Variants in NYAP2 observed in about 807,000 individuals in gnomAD.
NYAP2 encodes neuronal tyrosine-phosphorylated phosphoinositide-3-kinase adapter 2.
A neutral mutation model predicts 50.4 loss-of-function variants in NYAP2; 23 were observed. That is an observed-to-expected ratio of 0.46 (90% CI 0.33 to 0.65). The LOEUF (loss-of-function observed/expected upper bound fraction) is 0.65. NYAP2 is among the 30% of genes least tolerant of loss of function. NYAP2 has a pLI of 0.02. For synonymous variants in NYAP2, 394 were observed against 365.2 expected (o/e 1.08, Z -0.90); for missense variants, 885 against 861.0 (o/e 1.03, Z -0.35).
intron 4 of NYAP2, among the ~76,000 whole-genome samples, chr2:225,525,334 G>A (rs193105993): frequency 9.9e-5 from 15 of 152,028 alleles, no homozygotes; most frequent in South Asian, 4.2e-4. Context: ...TTATCGCAGC[G>A]CTATTCACAA....
intron 3 of NYAP2, among the ~76,000 whole-genome samples, chr2:225,410,770 A>G (rs768101196): frequency 3.9e-5 from 6 of 152,140 alleles, no homozygotes; most frequent in Non-Finnish European, 7.4e-5. Flanking sequence ...TAAGACAACA[A>G]AAATGGCTAA....
At chr2:225,476,431 T>C (rs1189837385) in intron 3 of NYAP2, among the ~76,000 whole-genome samples, 3 of 148,536 alleles carry the variant, frequency 2.0e-5, no homozygotes, top group Non-Finnish European at 4.5e-5. Context: ...AAAAAAAAAA[T>C]TTACTTAAAA....
chr2:225,427,329 A>C, intron 3 of NYAP2, among the ~76,000 whole-genome samples: 1 of 152,262 alleles, frequency 6.6e-6, no homozygotes, highest in East Asian at 1.9e-4. Context: ...ATGACACTTC[A>C]TCAAACTGTG....
At chr2:225,538,798 C>CTTTTCT (rs1559208658) in intron 4 of NYAP2, among the ~76,000 whole-genome samples, 6 of 56,248 alleles carry the variant, frequency 1.1e-4, no homozygotes, top group African/African-American at 2.9e-4. Context: ...TTCTTTCTTT[C>CTTTTCT]TTTCTTTCTT....
chr2:225,554,123 A>T (rs1415418257), intron 4 of NYAP2, among the ~76,000 whole-genome samples: 1 of 152,090 alleles, frequency 6.6e-6, no homozygotes, highest in Non-Finnish European at 1.5e-5. Flanking sequence ...CCTTTTACAT[A>T]CCAGTATTTT....
Position 225,404,357 on chromosome 2 carries a change from G to T in NYAP2, c.-18+3314G>T, listed in dbSNP as rs1318379242. Among the ~76,000 whole-genome samples the T allele has an allele frequency of 2.6e-5, 4 of 151,982 alleles. No homozygotes were observed. In the East Asian group the frequency reaches 7.8e-4, roughly 29 times the overall value. On this transcript the variant is annotated intron_variant, in intron 2 of 6. Coordinates refer to ENST00000636099, the Ensembl canonical transcript of NYAP2. ...TTTTTAAATGTTTTAATGTTTCTAT[G>T]AATTCCATTTTGACATAGCAGACTT...
At chr2:225,423,204 G>A (rs950856164) in intron 3 of NYAP2, among the ~76,000 whole-genome samples, 1 of 152,186 alleles carries the variant, frequency 6.6e-6, no homozygotes, top group Non-Finnish European at 1.5e-5. Context: ...GAAGAGGAAT[G>A]AAAGATTAGG....
the NYAP2 span, chr2:225,702,347 T>C: frequency 6.6e-6 from 1 of 151,916 alleles, no homozygotes; most frequent in East Asian, 1.9e-4. Flanking sequence ...CAAACTTATG[T>C]ATCAGGCATT....
chr2:225,545,890 G>A (rs566824053), intron 4 of NYAP2, among the ~76,000 whole-genome samples: 24 of 152,232 alleles, frequency 1.6e-4, no homozygotes, highest in South Asian at 1.5e-3. Flanking sequence ...AGCCCTACTC[G>A]TGTTAGGGAG....
intron 4 of NYAP2, among the ~76,000 whole-genome samples, chr2:225,550,403 GAGATGAATCT>G (rs1691651633): frequency 6.6e-6 from 1 of 152,206 alleles, no homozygotes; most frequent in Non-Finnish European, 1.5e-5. Context: ...GTTGAGGACA[GAGATGAATCT>G]ATTAGATTTG....
rs146370986 is a variant in NYAP2, at chr2:225,411,793, G to A, written c.221+2692G>A. Among the ~76,000 whole-genome samples, 8 of 152,006 alleles carry A rather than the reference G, an allele frequency of 5.3e-5. No homozygotes were observed. In the East Asian group the frequency reaches 1.5e-3, roughly 29 times the overall value. Reference sequence around the variant, plus strand: ...ATTTGGCTGATATATCAAATATGTTGAAGCCTGAGAACTGACCATTGCTTT... The same window carrying A: ...ATTTGGCTGATATATCAAATATGTTAAAGCCTGAGAACTGACCATTGCTTT... On this transcript the variant is annotated intron_variant, in intron 3 of 6. Transcript: ENST00000636099.
the NYAP2 span, among the ~76,000 whole-genome samples, chr2:225,677,501 A>G: frequency 6.6e-6 from 1 of 151,580 alleles, no homozygotes; most frequent in African/African-American, 2.4e-5. Flanking sequence ...CCTCAAGGGG[A>G]GTGGTTCCAG....
At chr2:225,410,656 A>G (rs1695022946) in intron 3 of NYAP2, among the ~76,000 whole-genome samples, 2 of 152,112 alleles carry the variant, frequency 1.3e-5, no homozygotes, top group Non-Finnish European at 2.9e-5. Context: ...GGATCATTCC[A>G]TTAGCTTTTA....
At chr2:225,418,270 G>A (rs1695157274) in intron 3 of NYAP2, among the ~76,000 whole-genome samples, 1 of 152,158 alleles carries the variant, frequency 6.6e-6, no homozygotes, top group African/African-American at 2.4e-5. Context: ...GGCAGAGCAG[G>A]TGAGGCGGAG....
At chr2:225,478,272 A>G (rs1690150522) in intron 3 of NYAP2, among the ~76,000 whole-genome samples, 1 of 152,124 alleles carries the variant, frequency 6.6e-6, no homozygotes, top group African/African-American at 2.4e-5. Flanking sequence ...AGAGTCGGGG[A>G]TGCTGAGCCC....
intron 3 of NYAP2, among the ~76,000 whole-genome samples, chr2:225,430,869 T>A (rs898764067): frequency 6.6e-6 from 1 of 152,208 alleles, no homozygotes; most frequent in Non-Finnish European, 1.5e-5. Flanking sequence ...ACAGTGTATA[T>A]AGACTTCAAA....
the NYAP2 span, among the ~76,000 whole-genome samples, chr2:225,684,139 G>A: frequency 6.6e-6 from 1 of 152,296 alleles, no homozygotes; most frequent in South Asian, 2.1e-4. Flanking sequence ...TCTGGTCAGA[G>A]AGACACAAAC....
chr2:225,668,389 T>C, the NYAP2 span, among the ~76,000 whole-genome samples: 2 of 152,114 alleles, frequency 1.3e-5, no homozygotes, highest in Non-Finnish European at 2.9e-5. Flanking sequence ...TCTCTCTAGA[T>C]TTGTCTACTC....
intron 3 of NYAP2, among the ~76,000 whole-genome samples, chr2:225,437,115 T>C (rs970399016): frequency 3.9e-5 from 6 of 152,018 alleles, no homozygotes; most frequent in Non-Finnish European, 7.4e-5. Flanking sequence ...ACCCAAGCAA[T>C]ATAAATTAGA....
Sources: allele counts gnomAD v4.1 joint callset (sites outside exome capture counted in the v4.1 genomes callset), GRCh38; gene constraint gnomAD v4.1.1; transcripts MANE v1.5; gene names NCBI Gene and HGNC (gene_info 2026-07-23, HGNC 2026-07-21).